The following SMIM7 variants were observed in gnomAD, a reference collection of about 807,000 sequenced individuals.
SMIM7 encodes UPF0608 protein C19orf42.
In SMIM7, 12 loss-of-function variants were observed where a neutral mutation model predicts 13.3. That is an observed-to-expected ratio of 0.90 (90% confidence interval 0.58 to 1.46). The LOEUF is 1.46. SMIM7 is among the 40% of genes most tolerant of loss of function. The pLI is 0.00. For missense variants in SMIM7, 114 were observed against 94.8 expected, an observed-to-expected ratio of 1.20 and a Z score of -0.84; for synonymous variants, 36 against 35.8, an observed-to-expected ratio of 1.01 and a Z score of -0.02.
At chr19:16,656,314 G>A (rs1210028012) in intron 3 of SMIM7, among the ~76,000 whole-genome samples, 1 of 152,136 alleles carries the variant, frequency 6.6e-6, no homozygotes, top group Non-Finnish European at 1.5e-5. Context: ...CTTGAACCCA[G>A]GAGGTGGAGG....
At chr19:16,654,232 C>T (rs1241881732) in intron 3 of SMIM7, 107 bp from the exon 4 acceptor site, 3 of 797,214 alleles carry the variant, frequency 3.8e-6, no homozygotes, top group Non-Finnish European at 6.3e-6. Context: ...TTGCTGCCTC[C>T]AACTTCGGCA....
At chr19:16,634,886 A>C (rs572289436) in intron 4 of SMIM7, 2 of 152,198 alleles carry the variant, frequency 1.3e-5, no homozygotes, top group African/African-American at 4.8e-5. Context: ...TAATAGCCAT[A>C]ACGTGCAGAC....
At position 16,659,975 on chromosome 19, in the gene SMIM7, C is replaced by A; in HGVS notation, c.52G>T (p.Val18Leu). The A allele has an allele frequency of 1.2e-6, 2 of 1,613,412 alleles. No individual in the cohort carries two copies. The highest frequency in any genetic ancestry group is 1.3e-5 in the African/African-American group (1 of 75,060). ...CCTACTCACAGCTTAAAGTTCAGCA[C>A]CGCCCCGGCATTCATCAGCAACGTC... ...FGTLLMNAGA[V>L]LNFKLKKKDT... Residue 18 changes from valine (V) to leucine (L), a missense_variant, in exon 2 of 5, where the codon GTG becomes TTG. Physicochemically the swap from Val to Leu is conservative, Grantham distance 32. Coordinates refer to ENST00000487416, the MANE Select transcript of SMIM7 (RefSeq NM_024104.4).
At chr19:16,639,190 C>T (rs560471870) in intron 4 of SMIM7, among the ~76,000 whole-genome samples, 28 of 147,120 alleles carry the variant, frequency 1.9e-4, no homozygotes, top group African/African-American at 5.3e-4. Context: ...GGCGTGATCT[C>T]GGCTCACTGC....
chr19:16,655,298 GA>G (rs2086582509), intron 3 of SMIM7: 2 of 456,038 alleles, frequency 4.4e-6, no homozygotes, highest in Admixed American at 2.4e-5. Flanking sequence ...TTTAGTACGT[GA>G]AGACTCCAGA....
intron 3 of SMIM7, among the ~76,000 whole-genome samples, chr19:16,658,558 T>C (rs1211104490): frequency 6.6e-6 from 1 of 152,186 alleles, no homozygotes; most frequent in Non-Finnish European, 1.5e-5. Flanking sequence ...ACTCAATAGA[T>C]GCAAACAGCT....
At chr19:16,639,190 C>G (rs560471870) in intron 4 of SMIM7, among the ~76,000 whole-genome samples, 1 of 147,032 alleles carries the variant, frequency 6.8e-6, no homozygotes, top group Non-Finnish European at 1.5e-5. Flanking sequence ...GGCGTGATCT[C>G]GGCTCACTGC....
At chr19:16,655,293 T>C in intron 3 of SMIM7, 3 of 456,142 alleles carry the variant, frequency 6.6e-6, no homozygotes, top group South Asian at 4.6e-5. Context: ...GGCAATTTAG[T>C]ACGTGAAGAC....
chr19:16,636,332 C>T (rs1449599378), intron 4 of SMIM7: 1 of 152,134 alleles, frequency 6.6e-6, no homozygotes, highest in African/African-American at 2.4e-5. Context: ...CTACAGAGAC[C>T]CATTCTGTAC....
At chr19:16,660,061 C>T in intron 1 of SMIM7, 24 bp downstream of exon 1, 2 of 1,614,216 alleles carry the variant, frequency 1.2e-6, no homozygotes, top group Non-Finnish European at 1.7e-6. Flanking sequence ...CTCTCTCTTC[C>T]CAGCCTCTGG....
chr19:16,632,905 A>G (rs376680367), intron 4 of SMIM7, among the ~76,000 whole-genome samples: 10 of 152,184 alleles, frequency 6.6e-5, no homozygotes, highest in African/African-American at 2.2e-4. Flanking sequence ...ACAACTTCTA[A>G]AAGTTTATCT....
downstream of SMIM7, among the ~76,000 whole-genome samples, chr19:16,644,118 G>GA (rs1360870955): frequency 1.2e-5 from 1 of 85,430 alleles, no homozygotes. Flanking sequence ...AATTGTTTGC[G>GA]TTTTTTTTTT....
chr19:16,648,422 T>C (rs2086477425), intron 4 of SMIM7, among the ~76,000 whole-genome samples: 1 of 151,824 alleles, frequency 6.6e-6, no homozygotes, highest in Non-Finnish European at 1.5e-5. Flanking sequence ...TTTACAGGCA[T>C]GAGCCACCAT....
chr19:16,659,680 G>T, intron 2 of SMIM7: 1 of 651,106 alleles, frequency 1.5e-6, no homozygotes, highest in Non-Finnish European at 2.7e-6. Context: ...CGGGTGCAGG[G>T]CGGAAGGTCC....
rs548735234 is a variant in SMIM7 at position 16,660,112 on chromosome 19, G to C, written c.-2C>G. On this transcript the variant is annotated 5_prime_UTR_variant, in exon 1 of 5. Transcript: ENST00000487416. ...GAACAGCAGGATGTCTCCGATCATC[G>C]TTACGGCCGAAGCGTCCGTCAGAAC... 4 of 1,614,170 alleles carry C rather than the reference G, an allele frequency of 2.5e-6. No homozygotes were observed. The highest frequency in any genetic ancestry group is 1.7e-5 in the Admixed American group (1 of 60,018).
intron 4 of SMIM7, among the ~76,000 whole-genome samples, chr19:16,635,883 CAA>C (rs1207972448): frequency 2.5e-4 from 20 of 80,516 alleles, no homozygotes; most frequent in Admixed American, 1.6e-3. Flanking sequence ...GACCCTGTCT[CAA>C]AAAAAAAAAA....
In SMIM7 at chr19:16,647,187, A is replaced by G. The variant is rs1347004614; in HGVS notation, c.*59T>C. 1 of 1,609,378 alleles carries G rather than the reference A, an allele frequency of 6.2e-7. No individual in the cohort carries two copies. Among genetic ancestry groups the G allele is most frequent in the Admixed American group, 1.7e-5 (1 of 59,970 alleles). On this transcript the variant is annotated 3_prime_UTR_variant, in exon 5 of 5. Transcript: ENST00000487416. ...AAAAACATTCTTGAAGTCATCAGGAATGGAGGAATGGAGACTCGGCATCCC... is the reference window on the plus strand; with the variant it reads ...AAAAACATTCTTGAAGTCATCAGGAGTGGAGGAATGGAGACTCGGCATCCC...
At chr19:16,634,660 C>T (rs932563128) in intron 4 of SMIM7, 1 of 151,178 alleles carries the variant, frequency 6.6e-6, no homozygotes, top group East Asian at 1.9e-4. Flanking sequence ...TGCCTGGAGT[C>T]TCAGCTATTT....
At chr19:16,659,743 C>G (rs1368269307) in intron 2 of SMIM7, 2 of 683,230 alleles carry the variant, frequency 2.9e-6, no homozygotes, top group Non-Finnish European at 2.5e-6. Flanking sequence ...GGAAGGTGAA[C>G]AGAGGGACAA....
Sources: gnomAD v4.1 joint callset for allele counts (sites outside exome capture counted in the v4.1 genomes callset) on GRCh38, gnomAD v4.1.1 for gene constraint, MANE v1.5 for transcripts, NCBI Gene and HGNC (gene_info 2026-07-23, HGNC 2026-07-21) for gene names.